The following VDAC1 variants were observed in gnomAD, a reference collection of about 807,000 sequenced individuals.
VDAC1 encodes the protein voltage dependent anion channel 1.
A neutral mutation model predicts 34.7 loss-of-function variants in VDAC1; 10 were observed. That is an observed-to-expected ratio of 0.29 (90% CI 0.18 to 0.49). The LOEUF (loss-of-function observed/expected upper bound fraction) is 0.49, where lower values mean the gene tolerates loss of function less well. Ranked by LOEUF, VDAC1 falls within the 20% of genes least tolerant of loss-of-function variation. VDAC1 has a pLI of 0.99. For synonymous variants in VDAC1, 130 were observed against 136.0 expected, an observed-to-expected ratio of 0.96 and a Z score of 0.30; for missense variants, 230 against 347.9, an observed-to-expected ratio of 0.66 and a Z score of 2.69.
At chr5:134,022,008 G>C in the VDAC1 span, among the ~76,000 whole-genome samples, 1 of 151,734 alleles carries the variant, frequency 6.6e-6, no homozygotes. Flanking sequence ...AGCCTCCCAA[G>C]TAGCTGGGGT....
the VDAC1 span, among the ~76,000 whole-genome samples, chr5:134,019,963 C>A: frequency 1.8e-4 from 28 of 152,260 alleles, no homozygotes; most frequent in African/African-American, 6.5e-4. Context: ...CAGGTAGATA[C>A]ACAATTAATA....
the VDAC1 span, among the ~76,000 whole-genome samples, chr5:134,110,397 C>T: frequency 6.6e-6 from 1 of 152,202 alleles, no homozygotes. Flanking sequence ...AGGGCAGCTG[C>T]CTGGTACCTG....
chr5:134,112,290 C>G, the VDAC1 span, among the ~76,000 whole-genome samples: 1 of 152,230 alleles, frequency 6.6e-6, no homozygotes, highest in East Asian at 1.9e-4. Flanking sequence ...TAAATCGGCT[C>G]TAATAACTCT....
intron 6 of VDAC1, among the ~76,000 whole-genome samples, chr5:133,980,504 G>A (rs932553719): frequency 1.8e-4 from 28 of 152,056 alleles, no homozygotes; most frequent in Admixed American, 1.4e-3. Flanking sequence ...AATATATACT[G>A]TTCACAGAGT....
chr5:134,028,251 A>G, the VDAC1 span, among the ~76,000 whole-genome samples: 2 of 149,388 alleles, frequency 1.3e-5, no homozygotes, highest in African/African-American at 5.0e-5. Context: ...TCCTGCCCCC[A>G]CCTCCCAAGT....
the VDAC1 span, among the ~76,000 whole-genome samples, chr5:134,055,333 T>C: frequency 1.3e-5 from 2 of 152,142 alleles, no homozygotes; most frequent in East Asian, 3.9e-4. Flanking sequence ...TTGGAGGAGA[T>C]TTCCCCGTGT....
At chr5:133,988,539 TG>T (rs1344077675) in intron 5 of VDAC1, among the ~76,000 whole-genome samples, 2 of 151,822 alleles carry the variant, frequency 1.3e-5, no homozygotes, top group Non-Finnish European at 2.9e-5. Flanking sequence ...CCGAGGCAGG[TG>T]GATCACGAGG....
chr5:134,021,197 T>TC, the VDAC1 span, among the ~76,000 whole-genome samples: 462 of 149,906 alleles, frequency 3.1e-3, 4 homozygotes, highest in African/African-American at 0.011. Context: ...TTTTTTTTTT[T>TC]ATTATTATAC....
At chr5:134,020,652 T>TTTTG in the VDAC1 span, among the ~76,000 whole-genome samples, 3,602 of 150,198 alleles carry the variant, frequency 0.024, 55 homozygotes, top group Middle Eastern at 0.065. Flanking sequence ...CAGGCTTCTT[T>TTTTG]TTTGTTTGTT....
chr5:134,019,000 C>A, the VDAC1 span, among the ~76,000 whole-genome samples: 3 of 152,148 alleles, frequency 2.0e-5, no homozygotes, highest in Non-Finnish European at 1.5e-5. Flanking sequence ...GTGTTTGGAA[C>A]CCTCCTTGAC....
the VDAC1 span, among the ~76,000 whole-genome samples, chr5:134,013,868 GGA>G: frequency 6.6e-6 from 1 of 152,188 alleles, no homozygotes; most frequent in Non-Finnish European, 1.5e-5. Flanking sequence ...CTTGAATCCG[GGA>G]GGCGGAGGTT....
At chr5:134,099,188 A>C in the VDAC1 span, among the ~76,000 whole-genome samples, 1 of 152,156 alleles carries the variant, frequency 6.6e-6, no homozygotes, top group South Asian at 2.1e-4. Flanking sequence ...ACAGACTCTT[A>C]AAAGTAGGGC....
intron 1 of VDAC1, among the ~76,000 whole-genome samples, chr5:133,998,392 C>T (rs887581169): frequency 8.5e-5 from 13 of 152,092 alleles, no homozygotes; most frequent in African/African-American, 2.7e-4. Flanking sequence ...AAAAATTAGC[C>T]GGGCGTGGTG....
intron 5 of VDAC1, among the ~76,000 whole-genome samples, chr5:133,984,478 T>A (rs1752831382): frequency 7.2e-6 from 1 of 138,962 alleles, no homozygotes; most frequent in Non-Finnish European, 1.6e-5. Context: ...GTAGATGGGG[T>A]TTCACCATGT....
At chr5:133,990,749 C>T (rs1753074640) in intron 5 of VDAC1, 106 bp downstream of exon 5, 1 of 1,350,540 alleles carries the variant, frequency 7.4e-7, no homozygotes, top group Non-Finnish European at 1.0e-6. Flanking sequence ...GTCTCGGAGA[C>T]CATATTTTAG....
chr5:134,096,056 C>T, the VDAC1 span, among the ~76,000 whole-genome samples: 7 of 152,338 alleles, frequency 4.6e-5, no homozygotes, highest in African/African-American at 1.2e-4. Flanking sequence ...AAGCCATGGG[C>T]GCCAGCCACC....
chr5:134,015,935 GC>G, the VDAC1 span, among the ~76,000 whole-genome samples: 2 of 152,034 alleles, frequency 1.3e-5, no homozygotes, highest in African/African-American at 2.4e-5. Flanking sequence ...GAGCCACGGT[GC>G]CCCGTCTACA....
the VDAC1 span, among the ~76,000 whole-genome samples, chr5:134,033,154 A>T: frequency 1.6e-5 from 2 of 125,422 alleles, no homozygotes; most frequent in African/African-American, 3.1e-5. Context: ...GTAGAAACTA[A>T]TTTTTTTTTT....
the VDAC1 span, among the ~76,000 whole-genome samples, chr5:134,084,780 G>A: frequency 1.3e-5 from 2 of 152,270 alleles, no homozygotes; most frequent in African/African-American, 4.8e-5. Context: ...TTAGGCTGAT[G>A]CAAATCCAAG....
Sources: allele counts gnomAD v4.1 joint callset (sites outside exome capture counted in the v4.1 genomes callset), GRCh38; gene constraint gnomAD v4.1.1; transcripts MANE v1.5; gene names NCBI Gene and HGNC (gene_info 2026-07-23, HGNC 2026-07-21).